The following ZNF532 variants were observed in gnomAD, a reference collection of about 807,000 sequenced individuals.
ZNF532 encodes zinc finger protein 532.
A neutral mutation model predicts 89.3 loss-of-function variants in ZNF532; 22 were observed. The observed-to-expected ratio is 0.25, with a 90% CI of 0.18 to 0.35. The LOEUF is 0.35. Among genes scored for constraint, ZNF532 ranks in the 10% least tolerant of loss-of-function variants. ZNF532 has a pLI of 1.00. For missense variants in ZNF532, 1,132 were observed against 1,643.4 expected (o/e 0.69, Z 5.38); for synonymous variants, 606 against 649.6 (o/e 0.93, Z 1.02).
chr18:58,946,209 T>A (rs942032008), intron 5 of ZNF532, among the ~76,000 whole-genome samples: 1 of 152,172 alleles, frequency 6.6e-6, no homozygotes, highest in East Asian at 1.9e-4. Context: ...TCTATCTTGT[T>A]ATCTTCTGTT....
intron 2 of ZNF532, among the ~76,000 whole-genome samples, chr18:58,897,105 C>G (rs1331207795): frequency 6.6e-6 from 1 of 151,618 alleles, no homozygotes; most frequent in Non-Finnish European, 1.5e-5. Flanking sequence ...TGGAATTTCT[C>G]TTTGATTCTG....
intron 2 of ZNF532, 83 bp downstream of exon 2, chr18:58,865,662 A>G (rs2056386421): frequency 6.6e-6 from 1 of 152,510 alleles, no homozygotes; most frequent in Non-Finnish European, 1.5e-5. Context: ...ATTGCTACCC[A>G]GGAGATAAAA....
At chr18:58,892,612 AAG>A (rs1372272511) in intron 2 of ZNF532, among the ~76,000 whole-genome samples, 9 of 152,242 alleles carry the variant, frequency 5.9e-5, no homozygotes, top group African/African-American at 1.9e-4. Flanking sequence ...CCAGGAATGA[AAG>A]AGGTACATTT....
At chr18:58,894,048 C>T (rs974918157) in intron 2 of ZNF532, among the ~76,000 whole-genome samples, 12 of 152,170 alleles carry the variant, frequency 7.9e-5, no homozygotes, top group Admixed American at 4.6e-4. Flanking sequence ...GCATCATTTC[C>T]GTGTTGGAGT....
Position 58,948,067 on chromosome 18 carries a change from A to G in ZNF532, c.2706A>G (p.Lys902=), listed in dbSNP as rs376332935. 3.1e-6 allele frequency: 5 copies of G among 1,609,350 alleles called. No homozygotes were observed. The highest frequency in any genetic ancestry group is 4.2e-6 in the Non-Finnish European group (5 of 1,178,218). The change falls in exon 6 of 10, where the codon AAA becomes AAG. Residue 902 remains lysine (K), a splice_region_variant and synonymous_variant. Coordinates refer to ENST00000591808, the MANE Select transcript of ZNF532 (RefSeq NM_001375912.1). ...ATCTCGCTGCACTCTTCTATTTTAG[A>G]ATAATATATAAGTGTTCCATGTGCG... is the stretch of plus-strand genomic sequence containing the variant. ...QHPGIKIGEP[K]IIYKCSMCDT...
chr18:58,933,086 G>A (rs1456884023), intron 3 of ZNF532, among the ~76,000 whole-genome samples: 1 of 152,142 alleles, frequency 6.6e-6, no homozygotes, highest in African/African-American at 2.4e-5. Flanking sequence ...TGGTAATGTA[G>A]ATGTTAACAG....
intron 7 of ZNF532, among the ~76,000 whole-genome samples, chr18:58,970,579 A>AG (rs1226504681): frequency 1.3e-5 from 2 of 152,258 alleles, no homozygotes; most frequent in African/African-American, 4.8e-5. Context: ...GGATGCCTCA[A>AG]GGCACCTGTC....
intron 7 of ZNF532, among the ~76,000 whole-genome samples, chr18:58,960,461 C>G (rs773396785): frequency 6.6e-6 from 1 of 152,116 alleles, no homozygotes; most frequent in Non-Finnish European, 1.5e-5. Context: ...TGGATAGATT[C>G]GGAAGATTTC....
chr18:58,927,177 G>A (rs565789203), intron 3 of ZNF532, among the ~76,000 whole-genome samples: 35 of 152,286 alleles, frequency 2.3e-4, no homozygotes, highest in African/African-American at 8.2e-4. Context: ...TTGGGCTGGT[G>A]GTGGGGGAAT....
At chr18:58,904,265 T>C (rs1411260649) in intron 2 of ZNF532, among the ~76,000 whole-genome samples, 1 of 151,226 alleles carries the variant, frequency 6.6e-6, no homozygotes, top group Non-Finnish European at 1.5e-5. Context: ...GTGAGAGGAA[T>C]GGTTTGAGCC....
At chr18:58,882,092 G>A (rs78170295) in intron 2 of ZNF532, among the ~76,000 whole-genome samples, 1 of 152,092 alleles carries the variant, frequency 6.6e-6, no homozygotes, top group African/African-American at 2.4e-5. Flanking sequence ...TGCGTAGCTT[G>A]GGACTATTAG....
chr18:58,918,616 T>C lies in ZNF532; in HGVS notation c.329T>C (p.Leu110Ser). Residue 110 changes from leucine to serine, a missense_variant, in exon 3 of 10, where the codon TTG becomes TCG. Leu to Ser is a moderately radical substitution (Grantham distance 145, BLOSUM62 -2). Transcript: ENST00000591808. Reference protein sequence around the residue: ...DSYSKDGAKSLKGDVPASEVT... With the variant: ...DSYSKDGAKSSKGDVPASEVT... The stretch of plus-strand genomic sequence containing the variant: ...TACAGTAAAGATGGAGCAAAGTCCT[T>C]GAAAGGAGATGTGCCTGCCTCTGAG... The C allele has an allele frequency of 6.2e-7, 1 of 1,614,118 alleles. No homozygotes were observed. The highest frequency in any genetic ancestry group is 8.5e-7 in the Non-Finnish European group (1 of 1,180,008).
chr18:58,964,900 C>A (rs2065770305), intron 7 of ZNF532, among the ~76,000 whole-genome samples: 1 of 150,824 alleles, frequency 6.6e-6, no homozygotes, highest in African/African-American at 2.4e-5. Context: ...CGCCATCACA[C>A]CTGGCCTATA....
chr18:58,868,852 G>A (rs1163983037), intron 2 of ZNF532, among the ~76,000 whole-genome samples: 1 of 152,220 alleles, frequency 6.6e-6, no homozygotes, highest in African/African-American at 2.4e-5. Context: ...TCATTAGACA[G>A]TCTTGTCATT....
chr18:58,909,925 T>C (rs925212901), intron 2 of ZNF532, among the ~76,000 whole-genome samples: 5 of 152,138 alleles, frequency 3.3e-5, no homozygotes, highest in Admixed American at 2.6e-4. Context: ...CTTTTTAACT[T>C]TTAGGTTGAA....
At chr18:58,936,421 G>C (rs1457145874) in intron 4 of ZNF532, among the ~76,000 whole-genome samples, 1 of 152,158 alleles carries the variant, frequency 6.6e-6, no homozygotes, top group Non-Finnish European at 1.5e-5. Flanking sequence ...TTTTCTAATA[G>C]AATGAAAGTT....
intron 7 of ZNF532, among the ~76,000 whole-genome samples, chr18:58,971,232 G>A (rs1017315528): frequency 6.6e-6 from 1 of 152,148 alleles, no homozygotes; most frequent in Admixed American, 6.5e-5. Flanking sequence ...CTAGGCACGT[G>A]ACAGTGATAG....
chr18:58,915,088 A>G (rs1158832433), intron 2 of ZNF532, among the ~76,000 whole-genome samples: 1 of 152,224 alleles, frequency 6.6e-6, no homozygotes, highest in East Asian at 1.9e-4. Context: ...TAATAGGACA[A>G]TGTGATTGTG....
chr18:58,923,507 G>C (rs1179303344), intron 3 of ZNF532, among the ~76,000 whole-genome samples: 1 of 152,038 alleles, frequency 6.6e-6, no homozygotes, highest in African/African-American at 2.4e-5. Context: ...GATGCCTGTG[G>C]CTGTTGCCAT....
Sources: gnomAD v4.1 joint callset for allele counts (sites outside exome capture counted in the v4.1 genomes callset) on GRCh38, gnomAD v4.1.1 for gene constraint, MANE v1.5 for transcripts, NCBI Gene and HGNC (gene_info 2026-07-23, HGNC 2026-07-21) for gene names.